The following FBN1 variants were observed in gnomAD, a reference collection of about 807,000 sequenced individuals.
FBN1 encodes the protein fibrillin 1.
Under a neutral mutation model 365.1 loss-of-function variants are expected in FBN1, and 29 were observed. The observed-to-expected ratio is 0.08, with a 90% confidence interval of 0.06 to 0.11. The LOEUF (loss-of-function observed/expected upper bound fraction) is 0.11, where lower values mean the gene tolerates loss of function less well. Among genes scored for constraint, FBN1 ranks in the 10% least tolerant of loss-of-function variants. FBN1 has a pLI of 1.00. For missense variants in FBN1, 2,476 were observed against 3,703.2 expected (o/e 0.67, Z 8.60); for synonymous variants, 1,210 against 1,270.5 (o/e 0.95, Z 1.01).
At chr15:48,594,611 T>C (rs1233005991) in intron 6 of FBN1, among the ~76,000 whole-genome samples, 2 of 152,190 alleles carry the variant, frequency 1.3e-5, no homozygotes, top group East Asian at 1.9e-4. Flanking sequence ...GATCAAATCT[T>C]TGAAGAAATC....
Position 48,549,643 on chromosome 15 carries a change from C to T in FBN1, c.539-11835G>A, listed in dbSNP as rs139176120. 4.6e-3 allele frequency among the ~76,000 whole-genome samples: 696 copies of T among 152,224 alleles called. 4 individuals are homozygous for T. Among genetic ancestry groups the T allele is most frequent in the African/African-American group, 0.016 (670 of 41,542 alleles). On this transcript the variant is annotated intron_variant, in intron 6 of 65. Coordinates refer to ENST00000316623, the MANE Select transcript of FBN1 (RefSeq NM_000138.5). ...CATTTATTCCTTTTTGGAAGAAGAA[C>T]GTGTTCTTTCATCAAATTCTTAAAA...
At chr15:48,434,541 T>A in intron 54 of FBN1, 53 bp downstream of exon 54, 1 of 1,609,436 alleles carries the variant, frequency 6.2e-7, no homozygotes, top group Non-Finnish European at 8.5e-7. Flanking sequence ...AATCAACCAA[T>A]TGTTCCCAGG....
In FBN1 at chr15:48,411,068, T is replaced by C; in HGVS notation, c.8538A>G (p.Glu2846=). The change falls in exon 66 of 66, where the codon GAA becomes GAG. Residue 2846 remains glutamate, a synonymous_variant. Coordinates refer to ENST00000316623, the MANE Select transcript of FBN1 (RefSeq NM_000138.5). ...TGAGGTAGTCTTTGTCATATTTGTC[T>C]TCTAGTTGGTTAAGTTCTTTCTTTT... ...LYKKKELNQL[E]DKYDKDYLSG... 1.9e-6 allele frequency: 3 copies of C among 1,613,964 alleles called. No individual in the cohort carries two copies. The highest frequency in any genetic ancestry group is 2.5e-6 in the Non-Finnish European group (3 of 1,179,926).
intron 6 of FBN1, among the ~76,000 whole-genome samples, chr15:48,582,738 C>A (rs1181059664): frequency 6.6e-6 from 1 of 152,172 alleles, no homozygotes; most frequent in Non-Finnish European, 1.5e-5. Flanking sequence ...GGTGTACTTG[C>A]ATTTTTTTGG....
In FBN1 at chr15:48,644,824, T is replaced by G; in HGVS notation, c.-55A>C. The G allele has an allele frequency of 1.3e-6, 2 of 1,554,060 alleles. No homozygotes were observed. The highest frequency in any genetic ancestry group is 1.7e-6 in the Non-Finnish European group (2 of 1,153,974). On this transcript the variant is annotated 5_prime_UTR_variant, in exon 2 of 66. Coordinates refer to ENST00000316623, the MANE Select transcript of FBN1 (RefSeq NM_000138.5). ...CTCTTGCCGCGCCCGGGGCTCGGTC[T>G]GCGGCCGCCGCTGCGCCCTGAAGCG...
chr15:48,614,309 A>G (rs1217680100), intron 2 of FBN1, among the ~76,000 whole-genome samples: 1 of 152,232 alleles, frequency 6.6e-6, no homozygotes, highest in East Asian at 1.9e-4. Context: ...AAACACTGTA[A>G]ACCCAAAAGC....
chr15:48,445,543 A>C (rs778784205), intron 47 of FBN1, 39 bp from the exon 48 acceptor site: 2 of 1,601,676 alleles, frequency 1.2e-6, no homozygotes. Context: ...ATATATTCCA[A>C]AGATGTCATA....
At chr15:48,589,229 C>G (rs1456459254) in intron 6 of FBN1, among the ~76,000 whole-genome samples, 1 of 152,084 alleles carries the variant, frequency 6.6e-6, no homozygotes, top group African/African-American at 2.4e-5. Flanking sequence ...ATTAAAGGAA[C>G]TATAGGGGAG....
chr15:48,428,632 CCT>C (rs2043001406), intron 56 of FBN1, among the ~76,000 whole-genome samples, 161 bp from the exon 57 acceptor site: 1 of 151,924 alleles, frequency 6.6e-6, no homozygotes, highest in Non-Finnish European at 1.5e-5. Context: ...ACCTTCCTTC[CCT>C]CTCTCACATC....
intron 2 of FBN1, among the ~76,000 whole-genome samples, chr15:48,624,543 G>T (rs1352246338): frequency 6.6e-6 from 1 of 152,226 alleles, no homozygotes; most frequent in East Asian, 1.9e-4. Context: ...AGGAAGCATT[G>T]CTTCCAAACA....
intron 6 of FBN1, among the ~76,000 whole-genome samples, chr15:48,594,085 T>C (rs1277570330): frequency 6.6e-6 from 1 of 152,096 alleles, no homozygotes; most frequent in Non-Finnish European, 1.5e-5. Context: ...CGAACATACA[T>C]CTAAGTAAGA....
At chr15:48,580,968 C>G (rs981228891) in intron 6 of FBN1, among the ~76,000 whole-genome samples, 1 of 152,188 alleles carries the variant, frequency 6.6e-6, no homozygotes, top group African/African-American at 2.4e-5. Context: ...CAAACACCAA[C>G]TCTGACATGA....
chr15:48,609,527 G>A (rs576639990), intron 4 of FBN1, among the ~76,000 whole-genome samples: 6 of 152,342 alleles, frequency 3.9e-5, no homozygotes, highest in African/African-American at 1.2e-4. Flanking sequence ...TGTGAACAGC[G>A]AGGGCTCGGT....
At chr15:48,484,086 A>G (rs1315447673) in intron 30 of FBN1, 143 bp from the exon 31 acceptor site, 17 of 839,214 alleles carry the variant, frequency 2.0e-5, no homozygotes, top group Non-Finnish European at 2.9e-5. Flanking sequence ...AGCTTTGCAT[A>G]AACTAGCCCA....
chr15:48,443,093 TTC>T (rs756039937), intron 49 of FBN1, among the ~76,000 whole-genome samples: 2 of 152,166 alleles, frequency 1.3e-5, no homozygotes, highest in Non-Finnish European at 2.9e-5. Context: ...TGCCAAGTGA[TTC>T]TCTTTCTGTG....
intron 50 of FBN1, among the ~76,000 whole-genome samples, chr15:48,439,783 G>A (rs1172529414): frequency 2.6e-5 from 4 of 152,054 alleles, no homozygotes; most frequent in African/African-American, 7.2e-5. Context: ...ATTAGACAGA[G>A]ACTCAAATGC....
At chr15:48,516,030 A>G (rs866912522) in intron 11 of FBN1, among the ~76,000 whole-genome samples, 153 bp downstream of exon 11, 2 of 152,236 alleles carry the variant, frequency 1.3e-5, no homozygotes, top group African/African-American at 4.8e-5. Flanking sequence ...TGAGACATAC[A>G]TATGATATAG....
intron 15 of FBN1, among the ~76,000 whole-genome samples, chr15:48,506,527 C>T (rs1358773828): frequency 6.6e-6 from 1 of 152,214 alleles, no homozygotes; most frequent in Admixed American, 6.5e-5. Flanking sequence ...GTGGAGACTA[C>T]AACCTGAAAG....
chr15:48,620,559 C>T (rs1372455825), intron 2 of FBN1, among the ~76,000 whole-genome samples: 6 of 152,126 alleles, frequency 3.9e-5, no homozygotes, highest in African/African-American at 1.2e-4. Context: ...ATTTTTTGCA[C>T]GAGTCTCTGC....
Sources: gnomAD v4.1 joint callset for allele counts (sites outside exome capture counted in the v4.1 genomes callset) on GRCh38, gnomAD v4.1.1 for gene constraint, MANE v1.5 for transcripts, NCBI Gene and HGNC (gene_info 2026-07-23, HGNC 2026-07-21) for gene names.